DIAPH1: variants seen among roughly 807,000 people sequenced by gnomAD.
DIAPH1 encodes protein diaphanous homolog 1.
DIAPH1 carries 46 observed loss-of-function variants against 140.7 expected under a neutral mutation model. The ratio of observed to expected loss-of-function variants is 0.33; its 90% CI spans 0.26 to 0.42. The LOEUF is 0.42. Ranked by LOEUF, DIAPH1 falls within the 10% of genes least tolerant of loss-of-function variation. The pLI is 1.00. For synonymous variants in DIAPH1, 565 were observed against 551.6 expected, an observed-to-expected ratio of 1.02 and a Z score of -0.34; for missense variants, 1,310 against 1,558.7, an observed-to-expected ratio of 0.84 and a Z score of 2.69.
At position 141,618,887 on chromosome 5, in the gene DIAPH1, G is replaced by A. The variant is rs2099903144; in HGVS notation, c.28C>T (p.Pro10Ser). 1.3e-6 allele frequency: 2 copies of A among 1,515,332 alleles called. No individual in the cohort carries two copies. The highest frequency in any genetic ancestry group is 1.4e-5 in the African/African-American group (1 of 69,338). The allele number at this position is 1,515,332 out of a possible 1,614,324, so 93.9% of individuals were successfully genotyped here. A position where few individuals can be genotyped will look rare whatever the true frequency, so the allele number is the denominator to read the frequency against. The stretch of plus-strand genomic sequence containing the variant: ...TTCTTGTCCCGGGTCCCGCGGCCGG[G>A]CCCCAGGCTCCCGCCGGGCGGCTCC... MEPPGGSLG[P>S]GRGTRDKKKG... Residue 10 changes from proline to serine, a missense_variant, in exon 1 of 28, where the codon CCC becomes TCC. Pro to Ser is a moderately conservative substitution (Grantham distance 74). Transcript: ENST00000389054.
rs1206923606 is a variant in DIAPH1 at position 141,517,134 on chromosome 5, T to TAC, written c.3662-128_3662-127dup. Reference sequence around the variant, plus strand: ...ACCTTGGCCACTTCACAGAGGCCCTTACTTTGAAGAAAGGGGCAGAGATCC... The same window carrying TAC: ...ACCTTGGCCACTTCACAGAGGCCCTTACACTTTGAAGAAAGGGGCAGAGATCC... On this transcript the variant is annotated intron_variant, in intron 27 of 27. Transcript: ENST00000389054. 4 of 1,038,910 alleles carry TAC rather than the reference T, an allele frequency of 3.9e-6. No homozygotes were observed. The Admixed American group carries it at 6.0e-5, about 16-fold the overall frequency. The allele number at this position is 1,038,910 out of a possible 1,614,324, so 64.4% of individuals were successfully genotyped here. A position where few individuals can be genotyped will look rare whatever the true frequency, so the allele number is the denominator to read the frequency against.
At chr5:141,603,614 T>C (rs757853950) in intron 1 of DIAPH1, among the ~76,000 whole-genome samples, 1 of 152,198 alleles carries the variant, frequency 6.6e-6, no homozygotes, top group Non-Finnish European at 1.5e-5. Flanking sequence ...CCATTCTGTA[T>C]TTCAATAATT....
chr5:141,608,038 C>CTACA (rs1361919305), intron 1 of DIAPH1, among the ~76,000 whole-genome samples: 1 of 152,226 alleles, frequency 6.6e-6, no homozygotes. Context: ...AACTAAGCAG[C>CTACA]TACATATGGA....
chr5:141,527,509 C>G, intron 24 of DIAPH1, 64 bp downstream of exon 24: 1 of 1,576,960 alleles, frequency 6.3e-7, no homozygotes, highest in East Asian at 2.2e-5. Flanking sequence ...CCTGTTTTTC[C>G]CCCACTACAG....
chr5:141,578,390 G>A, intron 10 of DIAPH1, 47 bp from the exon 11 acceptor site: 1 of 1,554,598 alleles, frequency 6.4e-7, no homozygotes. Flanking sequence ...AGTATCCTCT[G>A]TGGTTAGAAA....
At position 141,584,237 on chromosome 5, in the gene DIAPH1, A is replaced by T; in HGVS notation, c.301-12T>A. 6.6e-7 allele frequency: 1 copy of T among 1,511,456 alleles called. No homozygotes were observed. Among genetic ancestry groups the T allele is most frequent in the Non-Finnish European group, 9.2e-7 (1 of 1,088,184 alleles). 93.6% of individuals were successfully genotyped at this position (1,511,456 alleles called of 1,614,324 possible). Reference sequence around the variant, plus strand: ...AGGTTCATATCCAGCTAGGAGAGGGAGAAAAAAGAGAAAAAACAAAATTGC... The same window carrying T: ...AGGTTCATATCCAGCTAGGAGAGGGTGAAAAAAGAGAAAAAACAAAATTGC... On this transcript the variant is annotated splice_polypyrimidine_tract_variant and intron_variant, in intron 3 of 27. Coordinates refer to ENST00000389054, the MANE Select transcript of DIAPH1 (RefSeq NM_005219.5).
intron 1 of DIAPH1, among the ~76,000 whole-genome samples, chr5:141,618,110 AAG>A (rs540999781): frequency 1.2e-4 from 19 of 152,366 alleles, no homozygotes; most frequent in Non-Finnish European, 2.4e-4. Context: ...CAACAGGGCA[AAG>A]AGAGAGGTTC....
intron 1 of DIAPH1, among the ~76,000 whole-genome samples, chr5:141,594,402 T>C (rs2099898975): frequency 1.3e-5 from 2 of 152,120 alleles, no homozygotes; most frequent in Admixed American, 1.3e-4. Context: ...GTTGTCTTAG[T>C]GCTAATCTTA....
At position 141,575,624 on chromosome 5, in the gene DIAPH1, G is replaced by A. The variant is rs937004007; in HGVS notation, c.1462-478C>T. Among the ~76,000 whole-genome samples, 8 of 151,618 alleles carry A rather than the reference G, an allele frequency of 5.3e-5. 1 individual carries two copies. Among genetic ancestry groups the A allele is most frequent in the African/African-American group, 1.9e-4 (8 of 41,242 alleles). On this transcript the variant is annotated intron_variant, in intron 14 of 27. Coordinates refer to ENST00000389054, the MANE Select transcript of DIAPH1 (RefSeq NM_005219.5). ...AGATCGCGCCACTGCACTCCAGCCT[G>A]GATGACAGAGTGAGACTCCGTCTCA...
chr5:141,539,419 T>TG (rs1562293422), intron 18 of DIAPH1, among the ~76,000 whole-genome samples: 1 of 106,746 alleles, frequency 9.4e-6, no homozygotes, highest in African/African-American at 5.9e-5. Context: ...GGTAGTTTTG[T>TG]TTTTTTTTTT....
chr5:141,569,454 G>T (rs1467016862), intron 18 of DIAPH1, among the ~76,000 whole-genome samples: 3 of 152,170 alleles, frequency 2.0e-5, no homozygotes, highest in Non-Finnish European at 2.9e-5. Flanking sequence ...CAGTATTCAA[G>T]AATTACTTTT....
chr5:141,614,575 C>T (rs1450386932), intron 1 of DIAPH1, among the ~76,000 whole-genome samples: 1 of 152,084 alleles, frequency 6.6e-6, no homozygotes, highest in Non-Finnish European at 1.5e-5. Flanking sequence ...ACCAACTCTC[C>T]CAAGGCAGAG....
intron 1 of DIAPH1, chr5:141,588,801 C>T (rs1487034314): frequency 1.9e-5 from 3 of 161,742 alleles, no homozygotes; most frequent in Admixed American, 5.8e-5. Flanking sequence ...TTTGCATATA[C>T]GTAGTGGAAT....
intron 13 of DIAPH1, 33 bp downstream of exon 13, chr5:141,576,723 A>T (rs879901863): frequency 2.0e-5 from 28 of 1,366,146 alleles, no homozygotes; most frequent in Non-Finnish European, 2.8e-5. Context: ...AAGAAGCAAT[A>T]CTTGGAGGAG....
Position 141,587,136 on chromosome 5 carries a change from C to G in DIAPH1, c.206G>C (p.Arg69Thr), listed in dbSNP as rs1356506474. 1 of 1,614,134 alleles carries G rather than the reference C, an allele frequency of 6.2e-7. No individual in the cohort carries two copies. The highest frequency in any genetic ancestry group is 8.5e-7 in the Non-Finnish European group (1 of 1,179,996). ...KEKEKPNSAHRNSSASYGDDP... is the reference protein window; with the variant it reads ...KEKEKPNSAHTNSSASYGDDP... The stretch of plus-strand genomic sequence containing the variant: ...ATCCCCATATGATGCAGAAGAATTT[C>G]TATGAGCAGAATTGGGCTTTTCCTT... The change falls in exon 3 of 28, where the codon AGA becomes ACA. Residue 69 changes from arginine (R) to threonine (T), a missense_variant. Arg to Thr is a moderately conservative substitution (Grantham distance 71, BLOSUM62 -1). Transcript: ENST00000389054.
chr5:141,527,712 A>C lies in DIAPH1; in HGVS notation c.3149-15T>G, dbSNP rs781409283. 9.6e-6 allele frequency: 15 copies of C among 1,567,002 alleles called. No homozygotes were observed. In the Admixed American group the frequency reaches 1.1e-4, roughly 12 times the overall value. ...TTCAGCAGAAACTAAAAAAAAAAAAAAAAAAAAAAACCATAAAAACAGACA... is the reference window on the plus strand; with the variant it reads ...TTCAGCAGAAACTAAAAAAAAAAAACAAAAAAAAAACCATAAAAACAGACA... On this transcript the variant is annotated splice_polypyrimidine_tract_variant and intron_variant, in intron 23 of 27. Transcript: ENST00000389054.
chr5:141,523,301 C>G (rs537567137), intron 27 of DIAPH1, among the ~76,000 whole-genome samples: 1 of 152,250 alleles, frequency 6.6e-6, no homozygotes, highest in Non-Finnish European at 1.5e-5. Flanking sequence ...AAGAAGCCAC[C>G]ACTCCTAGCC....
intron 27 of DIAPH1, among the ~76,000 whole-genome samples, chr5:141,521,246 G>A (rs2099886494): frequency 6.6e-6 from 1 of 152,190 alleles, no homozygotes; most frequent in Non-Finnish European, 1.5e-5. Flanking sequence ...GTAGAGGGAA[G>A]GAAAGGAAGA....
intron 18 of DIAPH1, among the ~76,000 whole-genome samples, chr5:141,548,280 TA>T (rs11377976): frequency 0.021 from 2,820 of 134,760 alleles, 93 homozygotes; most frequent in African/African-American, 0.07. Context: ...TGGAATTCTT[TA>T]AAAAAAAAAA....
Sources: gnomAD v4.1 joint callset for allele counts (sites outside exome capture counted in the v4.1 genomes callset) on GRCh38, gnomAD v4.1.1 for gene constraint, MANE v1.5 for transcripts, NCBI Gene and HGNC (gene_info 2026-07-23, HGNC 2026-07-21) for gene names.